NOX4: variants seen among roughly 807,000 people sequenced by gnomAD.
The protein encoded by NOX4 is kidney oxidase-1.
NOX4 carries 69 observed loss-of-function variants against 87.6 expected under a neutral mutation model. The ratio of observed to expected loss-of-function variants is 0.79; its 90% CI spans 0.65 to 0.96. NOX4 has a LOEUF of 0.96. Among genes scored for constraint, NOX4 ranks in the 40% least tolerant of loss-of-function variants. The pLI is 0.00. For missense variants in NOX4, 680 were observed against 681.5 expected, an observed-to-expected ratio of 1.00 and a Z score of 0.02; for synonymous variants, 275 against 238.2, an observed-to-expected ratio of 1.15 and a Z score of -1.42.
the NOX4 span, among the ~76,000 whole-genome samples, chr11:89,579,294 A>C: frequency 1.3e-5 from 2 of 152,176 alleles, no homozygotes; most frequent in South Asian, 4.1e-4. Context: ...ATCCTGATGT[A>C]AACTATGGGC....
the NOX4 span, among the ~76,000 whole-genome samples, chr11:89,562,928 G>C: frequency 6.6e-6 from 1 of 152,106 alleles, no homozygotes; most frequent in Non-Finnish European, 1.5e-5. Context: ...CCCCCATGCT[G>C]TTCTCCTGAT....
In NOX4 at chr11:89,432,842, CT is replaced by C. The variant is rs746316411; in HGVS notation, c.489del (p.Val165SerfsTer10). ...AATAGCACCACCACCATGCAGACCC[CT>C]GTCAGGCCAGGAACTATAAAAATGT... ...KLLFTTVPGL[T>X]GVCMVVVLFL... On this transcript the variant is annotated frameshift_variant, in exon 7 of 18. Transcript: ENST00000263317. LOFTEE classifies it high-confidence loss of function. The C allele has an allele frequency of 3.1e-6, 5 of 1,610,564 alleles. No individual in the cohort carries two copies. The South Asian group carries it at 5.5e-5, about 18-fold the overall frequency.
At chr11:89,547,825 G>A in the NOX4 span, among the ~76,000 whole-genome samples, 2 of 151,958 alleles carry the variant, frequency 1.3e-5, no homozygotes, top group African/African-American at 4.8e-5. Flanking sequence ...GAGAATCAGC[G>A]CTGGGAACGT....
chr11:89,552,409 T>A, the NOX4 span, among the ~76,000 whole-genome samples: 1 of 152,324 alleles, frequency 6.6e-6, no homozygotes, highest in African/African-American at 2.4e-5. Flanking sequence ...GCTCCTTTAA[T>A]TCTTTTGGTA....
Position 89,455,518 on chromosome 11 carries a change from A to C in NOX4, c.154-3623T>G, listed in dbSNP as rs570931016. ...CTTTGTTGAATTGAGCTGAATTTTT[A>C]AACACAGGTACCATGCTCTGATAAG... On this transcript the variant is annotated intron_variant, in intron 2 of 17. Coordinates refer to ENST00000263317, the MANE Select transcript of NOX4 (RefSeq NM_016931.5). Among the ~76,000 whole-genome samples the C allele has an allele frequency of 1.0e-3, 158 of 152,150 alleles. 1 individual carries two copies. The highest frequency in any genetic ancestry group is 3.7e-3 in the African/African-American group (152 of 41,530).
chr11:89,428,046 G>A (rs888017265), intron 7 of NOX4, among the ~76,000 whole-genome samples: 5 of 152,188 alleles, frequency 3.3e-5, no homozygotes, highest in Non-Finnish European at 7.3e-5. Context: ...CAAGCCAGAA[G>A]AGAGTGAGGG....
the NOX4 span, among the ~76,000 whole-genome samples, chr11:89,540,780 T>A: frequency 1.3e-5 from 1 of 78,488 alleles, no homozygotes. Flanking sequence ...AGAGCAAGAC[T>A]CCGTCTAAAA....
chr11:89,504,527 T>C, the NOX4 span, among the ~76,000 whole-genome samples: 3 of 151,938 alleles, frequency 2.0e-5, no homozygotes, highest in African/African-American at 7.2e-5. Flanking sequence ...AGACAATGAC[T>C]TTATCAGAGT....
chr11:89,378,520 A>G (rs747257867), intron 11 of NOX4, among the ~76,000 whole-genome samples: 3 of 152,180 alleles, frequency 2.0e-5, no homozygotes, highest in African/African-American at 7.2e-5. Flanking sequence ...AATAAACTGT[A>G]AATGTCTTGA....
At chr11:89,360,813 A>G (rs1290437461) in intron 12 of NOX4, among the ~76,000 whole-genome samples, 1 of 152,134 alleles carries the variant, frequency 6.6e-6, no homozygotes, top group Non-Finnish European at 1.5e-5. Context: ...ACATTTCTCA[A>G]AAGAAGACAT....
At chr11:89,547,778 A>C in the NOX4 span, among the ~76,000 whole-genome samples, 1 of 152,176 alleles carries the variant, frequency 6.6e-6, no homozygotes, top group Non-Finnish European at 1.5e-5. Context: ...GGTATTGTTT[A>C]AAGCTTTTCA....
At chr11:89,525,020 A>G in the NOX4 span, among the ~76,000 whole-genome samples, 1 of 152,070 alleles carries the variant, frequency 6.6e-6, no homozygotes, top group Non-Finnish European at 1.5e-5. Flanking sequence ...TATGCAGATT[A>G]AAATTTCTGC....
chr11:89,382,176 C>T (rs765601501), intron 11 of NOX4, among the ~76,000 whole-genome samples: 15 of 152,116 alleles, frequency 9.9e-5, no homozygotes, highest in East Asian at 2.0e-4. Context: ...CCCTTCTCTC[C>T]GTGTCCCTAC....
intron 8 of NOX4, among the ~76,000 whole-genome samples, chr11:89,408,738 A>G (rs767126974): frequency 5.9e-5 from 9 of 152,140 alleles, no homozygotes; most frequent in Admixed American, 3.9e-4. Flanking sequence ...GAATAACATC[A>G]TGTGTTTGTA....
intron 7 of NOX4, among the ~76,000 whole-genome samples, chr11:89,429,445 A>G (rs1943651822): frequency 6.6e-6 from 1 of 152,208 alleles, no homozygotes; most frequent in Non-Finnish European, 1.5e-5. Context: ...AAGATCAACA[A>G]AATTGATAGA....
the NOX4 span, chr11:89,545,602 G>C: frequency 6.6e-6 from 1 of 150,550 alleles, no homozygotes; most frequent in East Asian, 2.0e-4. Flanking sequence ...TACATCACCA[G>C]AATTACATTT....
At chr11:89,441,548 A>C (rs898204514) in intron 5 of NOX4, among the ~76,000 whole-genome samples, 5 of 152,172 alleles carry the variant, frequency 3.3e-5, no homozygotes, top group African/African-American at 4.8e-5. Context: ...TTGCTTAGGA[A>C]TAGCTCCTCA....
At chr11:89,339,978 G>T in intron 15 of NOX4, 85 bp downstream of exon 15, 1 of 643,900 alleles carries the variant, frequency 1.6e-6, no homozygotes. Context: ...TTATTCTATG[G>T]CAAGCATTTA....
chr11:89,426,760 G>C (rs936965124), intron 7 of NOX4, among the ~76,000 whole-genome samples: 1 of 152,130 alleles, frequency 6.6e-6, no homozygotes, highest in African/African-American at 2.4e-5. Context: ...ACAGCTCAAT[G>C]AGGACTGCCT....
Sources: allele counts gnomAD v4.1 joint callset (sites outside exome capture counted in the v4.1 genomes callset), GRCh38; gene constraint gnomAD v4.1.1; transcripts MANE v1.5; gene names NCBI Gene and HGNC (gene_info 2026-07-23, HGNC 2026-07-21).